Variants in GABBR1 observed in about 807,000 individuals in gnomAD.
GABBR1 encodes the protein GABA-B receptor, R1 subunit.
Under a neutral mutation model 117.7 loss-of-function variants are expected in GABBR1, and 35 were observed. The observed-to-expected ratio is 0.30, with a 90% CI of 0.23 to 0.39. The LOEUF (loss-of-function observed/expected upper bound fraction) is 0.39. GABBR1 is among the 10% of genes least tolerant of loss of function. GABBR1 has a pLI of 1.00. For missense variants in GABBR1, 709 were observed against 1,241.8 expected (o/e 0.57, Z 6.45); for synonymous variants, 442 against 486.6 (o/e 0.91, Z 1.21).
rs1379807446 is a variant in GABBR1 at position 29,632,466 on chromosome 6, G to T, written c.1-81C>A. ...CCGGAGACTACTCGACCTCTTGCCG[G>T]TTGCCTCGCAGGCTCCGACCGGGCT... On this transcript the variant is annotated intron_variant, in intron 1 of 22. Coordinates refer to ENST00000377034, the MANE Select transcript of GABBR1 (RefSeq NM_001470.4). This position sits in a 1 kb window ranked among gnomAD's most constrained non-coding sequence, Gnocchi z 5.8. The T allele has an allele frequency of 8.4e-7, 1 of 1,189,342 alleles. No homozygotes were observed. Among genetic ancestry groups the T allele is most frequent in the Non-Finnish European group, 1.1e-6 (1 of 904,592 alleles). The allele number at this position is 1,189,342 out of a possible 1,614,324, so 73.7% of individuals were successfully genotyped here. A position where few individuals can be genotyped will look rare whatever the true frequency, so the allele number is the denominator to read the frequency against.
chr6:29,630,388 C>T lies in GABBR1; in HGVS notation c.475+70G>A. 1 of 1,349,338 alleles carries T rather than the reference C, an allele frequency of 7.4e-7. No homozygotes were observed. The highest frequency in any genetic ancestry group is 1.0e-6 in the Non-Finnish European group (1 of 953,594). 83.6% of individuals were successfully genotyped at this position (1,349,338 alleles called of 1,614,324 possible). On this transcript the variant is annotated intron_variant, in intron 4 of 22. Transcript: ENST00000377034. This position sits in a 1 kb window ranked among gnomAD's most constrained non-coding sequence, Gnocchi z 4.9. ...TAGCTCTCCATTCTTTCCCATTATC[C>T]ATTCCCACCCCACTCCCATCCTCAC...
intron 11 of GABBR1, among the ~76,000 whole-genome samples, chr6:29,615,601 T>C: frequency 8.1e-6 from 1 of 122,950 alleles, no homozygotes; most frequent in African/African-American, 3.0e-5. Flanking sequence ...GGAGTGAGAC[T>C]CTGCCTTTAA....
chr6:29,624,101 C>A (rs966104226), intron 6 of GABBR1, 77 bp from the exon 7 acceptor site: 19 of 1,368,996 alleles, frequency 1.4e-5, no homozygotes, highest in African/African-American at 2.9e-5. Flanking sequence ...TTATCTTTCT[C>A]GAACAAATTA....
chr6:29,604,297 T>C lies in GABBR1; in HGVS notation c.2712+197A>G, dbSNP rs868716557. 3.3e-5 allele frequency among the ~76,000 whole-genome samples: 5 copies of C among 152,150 alleles called. No individual in the cohort carries two copies. The highest frequency in any genetic ancestry group is 1.2e-4 in the African/African-American group (5 of 41,426). ...TGCCAGGCCAACACTGGATTTTGCCTGAGATAGAATCTTGCTCAGCCCTTT... is the reference window on the plus strand; with the variant it reads ...TGCCAGGCCAACACTGGATTTTGCCCGAGATAGAATCTTGCTCAGCCCTTT... On this transcript the variant is annotated intron_variant, in intron 22 of 22. Transcript: ENST00000377034. This position sits in a 1 kb window ranked among gnomAD's most constrained non-coding sequence, Gnocchi z 5.3.
rs1361978236 is a variant in GABBR1, at chr6:29,630,341, A to C, written c.475+117T>G. 4.3e-6 allele frequency: 4 copies of C among 919,614 alleles called. No individual in the cohort carries two copies. The allele number at this position is 919,614 out of a possible 1,614,324, so 57.0% of individuals were successfully genotyped here. The stretch of plus-strand genomic sequence containing the variant: ...AAAGGGACTTTCATCTCCCCTTTCC[A>C]GTGTCCTCCCCCACATTTTTATAGC... On this transcript the variant is annotated intron_variant, in intron 4 of 22. Transcript: ENST00000377034. The surrounding 1 kb of genome is among the most constrained non-coding windows in gnomAD (Gnocchi z 4.9).
rs1762755062 is a variant in GABBR1 at position 29,613,387 on chromosome 6, G to A, written c.1422C>T (p.Ile474=). 1 of 1,613,030 alleles carries A rather than the reference G, an allele frequency of 6.2e-7. No homozygotes were observed. Among genetic ancestry groups the A allele is most frequent in the African/African-American group, 1.3e-5 (1 of 74,960 alleles). ...TGTTCAGGGCCAGTGCCAAGGCCCA[G>A]ATGGCATCATAGGCCAGCGGTGCCT... is the stretch of plus-strand genomic sequence containing the variant. ...FQEAPLAYDA[I]WALALALNKT... is the part of the protein sequence containing the mutation. The change falls in exon 12 of 23, where the codon ATC becomes ATT. Residue 474 remains isoleucine (I), a synonymous_variant. Transcript: ENST00000377034. The surrounding 1 kb of genome is among the most constrained non-coding windows in gnomAD (Gnocchi z 4.1).
In GABBR1 at chr6:29,605,979, G is replaced by A; in HGVS notation, c.2312-283C>T. The stretch of plus-strand genomic sequence containing the variant: ...TTGTTGAATATCTAGAAATAGGCCA[G>A]TCTGGGCCACACATGCCTCACCCTT... On this transcript the variant is annotated intron_variant, in intron 19 of 22. Coordinates refer to ENST00000377034, the MANE Select transcript of GABBR1 (RefSeq NM_001470.4). This position sits in a 1 kb window ranked among gnomAD's most constrained non-coding sequence, Gnocchi z 4.2. 3 of 555,222 alleles carry A rather than the reference G, an allele frequency of 5.4e-6. No homozygotes were observed. The South Asian group carries it at 6.7e-5, about 12-fold the overall frequency. 34.4% of individuals were successfully genotyped at this position (555,222 alleles called of 1,614,324 possible). A position where few individuals can be genotyped will look rare whatever the true frequency, so the allele number is the denominator to read the frequency against.
chr6:29,606,566 A>G lies in GABBR1; in HGVS notation c.2218-82T>C, dbSNP rs1761980607. 5 of 980,002 alleles carry G rather than the reference A, an allele frequency of 5.1e-6. No individual in the cohort carries two copies. Among genetic ancestry groups the G allele is most frequent in the Middle Eastern group, 2.1e-4 (1 of 4,856 alleles). 60.7% of individuals were successfully genotyped at this position (980,002 alleles called of 1,614,324 possible). A position where few individuals can be genotyped will look rare whatever the true frequency, so the allele number is the denominator to read the frequency against. ...AACGCTTCTCAGTCTCTGGCTTCCA[A>G]CTGTTTTCCTATGAGACCCTCAATG... On this transcript the variant is annotated intron_variant, in intron 18 of 22. Transcript: ENST00000377034. The surrounding 1 kb of genome is among the most constrained non-coding windows in gnomAD (Gnocchi z 4.5).
chr6:29,632,185 C>A lies in GABBR1; in HGVS notation c.85+116G>T. 1 of 619,776 alleles carries A rather than the reference C, an allele frequency of 1.6e-6. No homozygotes were observed. The highest frequency in any genetic ancestry group is 2.6e-6 in the Non-Finnish European group (1 of 387,548). 38.4% of individuals were successfully genotyped at this position (619,776 alleles called of 1,614,324 possible). On this transcript the variant is annotated intron_variant, in intron 2 of 22. Coordinates refer to ENST00000377034, the MANE Select transcript of GABBR1 (RefSeq NM_001470.4). This position sits in a 1 kb window ranked among gnomAD's most constrained non-coding sequence, Gnocchi z 5.8. ...AAGTCGGGCCGAGCAGAAGGGGTTG[C>A]CAGACCGGGATGATATGTGGGACTG...
chr6:29,613,530 G>C lies in GABBR1; in HGVS notation c.1324-45C>G, dbSNP rs749436563. Reference sequence around the variant, plus strand: ...GAGGAAAGAACTGAAATGTGTGTGGGTGTGGGGGAAGGGGTGCAATCCAAT... The same window carrying C: ...GAGGAAAGAACTGAAATGTGTGTGGCTGTGGGGGAAGGGGTGCAATCCAAT... On this transcript the variant is annotated intron_variant, in intron 11 of 22. Transcript: ENST00000377034. This position sits in a 1 kb window ranked among gnomAD's most constrained non-coding sequence, Gnocchi z 4.1. 3.8e-6 allele frequency: 6 copies of C among 1,594,538 alleles called. No homozygotes were observed. The African/African-American group carries it at 8.0e-5, about 21-fold the overall frequency.
At position 29,605,332 on chromosome 6, in the gene GABBR1, C is replaced by G. The variant is rs1037906384; in HGVS notation, c.2439+237G>C. On this transcript the variant is annotated intron_variant, in intron 20 of 22. Coordinates refer to ENST00000377034, the MANE Select transcript of GABBR1 (RefSeq NM_001470.4). This position sits in a 1 kb window ranked among gnomAD's most constrained non-coding sequence, Gnocchi z 4.2. ...TTTAACGTCTCTGTGTTTCTGTTTCCTCACCTATAAAGTGGGGATACTAAT... is the reference window on the plus strand; with the variant it reads ...TTTAACGTCTCTGTGTTTCTGTTTCGTCACCTATAAAGTGGGGATACTAAT... 1.7e-6 allele frequency: 1 copy of G among 576,016 alleles called. No homozygotes were observed. The highest frequency in any genetic ancestry group is 3.0e-6 in the Non-Finnish European group (1 of 329,906). 35.7% of individuals were successfully genotyped at this position (576,016 alleles called of 1,614,324 possible).
Position 29,606,033 on chromosome 6 carries a change from G to A in GABBR1, c.2312-337C>T, listed in dbSNP as rs920795141. The A allele has an allele frequency of 1.9e-6, 1 of 514,948 alleles. No individual in the cohort carries two copies. The highest frequency in any genetic ancestry group is 3.5e-6 in the Non-Finnish European group (1 of 289,288). The allele number at this position is 514,948 out of a possible 1,614,324, so 31.9% of individuals were successfully genotyped here. On this transcript the variant is annotated intron_variant, in intron 19 of 22. Coordinates refer to ENST00000377034, the MANE Select transcript of GABBR1 (RefSeq NM_001470.4). This position sits in a 1 kb window ranked among gnomAD's most constrained non-coding sequence, Gnocchi z 4.5. ...CTACAGGTGGGAAGGTGGCTTTCCA[G>A]GCAGAGGGTAGGTTTGCAATTTGTG...
chr6:29,614,564 G>A (rs1374964887), intron 11 of GABBR1, among the ~76,000 whole-genome samples: 2 of 152,212 alleles, frequency 1.3e-5, no homozygotes, highest in Non-Finnish European at 2.9e-5. Flanking sequence ...CTACTACACT[G>A]GGCTTTGAAG....
chr6:29,628,149 GAA>G, intron 5 of GABBR1: 2 of 450,276 alleles, frequency 4.4e-6, no homozygotes, highest in Non-Finnish European at 5.5e-6. Context: ...GGCGGGGAGG[GAA>G]GCGAGCGCCG....
chr6:29,615,750 A>C (rs1763018085), intron 11 of GABBR1, among the ~76,000 whole-genome samples: 1 of 152,092 alleles, frequency 6.6e-6, no homozygotes, highest in South Asian at 2.1e-4. Flanking sequence ...GAGAGGACCC[A>C]ACTCTACAAA....
Position 29,631,248 on chromosome 6 carries a change from ATTGCTCT to A in GABBR1, c.289+141_289+147del. Reference sequence around the variant, plus strand: ...ACTACCTCCAACCGCACAGAGCAAAATTGCTCTTATGTAGTAGTCATTCAATAAATGT... The same window carrying A: ...ACTACCTCCAACCGCACAGAGCAAAATATGTAGTAGTCATTCAATAAATGT... On this transcript the variant is annotated intron_variant, in intron 3 of 22. Transcript: ENST00000377034. The surrounding 1 kb of genome is among the most constrained non-coding windows in gnomAD (Gnocchi z 5.9). 1.3e-6 allele frequency: 1 copy of A among 772,338 alleles called. No individual in the cohort carries two copies. The highest frequency in any genetic ancestry group is 2.1e-6 in the Non-Finnish European group (1 of 471,416). The allele number at this position is 772,338 out of a possible 1,614,324, so 47.8% of individuals were successfully genotyped here.
At position 29,620,889 on chromosome 6, in the gene GABBR1, G is replaced by T; in HGVS notation, c.1323+212C>A. Among the ~76,000 whole-genome samples the T allele has an allele frequency of 6.9e-6, 1 of 144,774 alleles. No homozygotes were observed. The highest frequency in any genetic ancestry group is 1.5e-5 in the Non-Finnish European group (1 of 65,928). The allele number at this position is 144,774 out of a possible 152,430, so 95.0% of individuals were successfully genotyped here. ...AACCTACTGAACATACAACTCCATC[G>T]TTTTTTTTTTTTTCTCTCTCTACCC... On this transcript the variant is annotated intron_variant, in intron 11 of 22. Transcript: ENST00000377034. The surrounding 1 kb of genome is among the most constrained non-coding windows in gnomAD (Gnocchi z 4.5).
Position 29,611,070 on chromosome 6 carries a change from C to T in GABBR1, c.1631-69G>A. 8.2e-7 allele frequency: 1 copy of T among 1,220,918 alleles called. No individual in the cohort carries two copies. Among genetic ancestry groups the T allele is most frequent in the Non-Finnish European group, 1.2e-6 (1 of 824,910 alleles). The allele number at this position is 1,220,918 out of a possible 1,614,324, so 75.6% of individuals were successfully genotyped here. A position where few individuals can be genotyped will look rare whatever the true frequency, so the allele number is the denominator to read the frequency against. On this transcript the variant is annotated intron_variant, in intron 13 of 22. Transcript: ENST00000377034. This position sits in a 1 kb window ranked among gnomAD's most constrained non-coding sequence, Gnocchi z 4.6. ...AGCTGATCCTAGGCATTTTCAACTTCCCACTTCCCTAGAGCTTTGCATGGT... is the reference window on the plus strand; with the variant it reads ...AGCTGATCCTAGGCATTTTCAACTTTCCACTTCCCTAGAGCTTTGCATGGT...
Position 29,623,558 on chromosome 6 carries a change from C to T in GABBR1, c.793-83G>A, listed in dbSNP as rs1280696206. 4 of 1,384,444 alleles carry T rather than the reference C, an allele frequency of 2.9e-6. No homozygotes were observed. Among genetic ancestry groups the T allele is most frequent in the Non-Finnish European group, 4.0e-6 (4 of 1,004,290 alleles). The allele number at this position is 1,384,444 out of a possible 1,614,324, so 85.8% of individuals were successfully genotyped here. On this transcript the variant is annotated intron_variant, in intron 7 of 22. Transcript: ENST00000377034. This position sits in a 1 kb window ranked among gnomAD's most constrained non-coding sequence, Gnocchi z 6.2. Reference sequence around the variant, plus strand: ...GCCAAGAGTTCCTTTAACCCTCTTCCTGCCTTTGGGTTTCTCTTCCTTACT... The same window carrying T: ...GCCAAGAGTTCCTTTAACCCTCTTCTTGCCTTTGGGTTTCTCTTCCTTACT...
Sources: allele counts gnomAD v4.1 joint callset (sites outside exome capture counted in the v4.1 genomes callset), GRCh38; gene constraint gnomAD v4.1.1; non-coding constraint Gnocchi (gnomAD v3.1); transcripts MANE v1.5; gene names NCBI Gene and HGNC (gene_info 2026-07-23, HGNC 2026-07-21).